Variants in AFDN observed in about 807,000 individuals in gnomAD.
AFDN encodes afadin.
A neutral mutation model predicts 216.6 loss-of-function variants in AFDN; 68 were observed. The ratio of observed to expected loss-of-function variants is 0.31; its 90% CI spans 0.26 to 0.38. The LOEUF (loss-of-function observed/expected upper bound fraction) is 0.38, where lower values mean the gene tolerates loss of function less well. AFDN is among the 10% of genes least tolerant of loss of function. The pLI, the probability that AFDN is intolerant of heterozygous loss-of-function variation, is 1.00. For missense variants in AFDN, 2,136 were observed against 2,342.0 expected, an observed-to-expected ratio of 0.91 and a Z score of 1.82; for synonymous variants, 868 against 853.7, an observed-to-expected ratio of 1.02 and a Z score of -0.29.
chr6:167,871,142 G>A (rs183916413), intron 3 of AFDN, among the ~76,000 whole-genome samples: 1,510 of 104,286 alleles, frequency 0.014, 11 homozygotes, highest in African/African-American at 0.048. Context: ...ATTGGGAAAA[G>A]GCTGTCGTTA....
At chr6:167,858,929 G>A (rs557862697) in intron 1 of AFDN, among the ~76,000 whole-genome samples, 1 of 152,208 alleles carries the variant, frequency 6.6e-6, no homozygotes, top group South Asian at 2.1e-4. Context: ...TAAGGTAATG[G>A]AATTAGTGCT....
At chr6:167,875,026 A>G (rs779599698) in intron 4 of AFDN, among the ~76,000 whole-genome samples, 5 of 152,142 alleles carry the variant, frequency 3.3e-5, no homozygotes, top group African/African-American at 7.2e-5. Context: ...TTAGGGTAAC[A>G]CTGGTGGAAG....
chr6:167,930,974 T>G (rs1793211947), intron 23 of AFDN, among the ~76,000 whole-genome samples: 1 of 151,930 alleles, frequency 6.6e-6, no homozygotes, highest in Non-Finnish European at 1.5e-5. Context: ...GTTTTCCAGA[T>G]GAGAGGTCGT....
At chr6:167,829,314 T>C (rs953792223) in intron 1 of AFDN, among the ~76,000 whole-genome samples, 1 of 152,180 alleles carries the variant, frequency 6.6e-6, no homozygotes, top group African/African-American at 2.4e-5. Context: ...TTTATTCTGG[T>C]CCTAGTTAAG....
chr6:167,878,586 A>ACT (rs372904036), intron 5 of AFDN, among the ~76,000 whole-genome samples: 3,723 of 139,454 alleles, frequency 0.027, 58 homozygotes, highest in Non-Finnish European at 0.036. Context: ...ACACACACCC[A>ACT]CTCTCTCTCT....
chr6:167,946,315 C>T (rs868398938), intron 26 of AFDN, among the ~76,000 whole-genome samples: 6 of 152,206 alleles, frequency 3.9e-5, no homozygotes, highest in Non-Finnish European at 5.9e-5. Context: ...GAGCGGAAGG[C>T]TCACGTCACA....
chr6:167,930,097 C>T lies in AFDN; in HGVS notation c.3099+5006C>T, dbSNP rs142508224. ...ATGTGCGCCTGTGGTCCCAGTTACACTGGCGGCTGAGGCAGGAGGATGGTT... is the reference window on the plus strand; with the variant it reads ...ATGTGCGCCTGTGGTCCCAGTTACATTGGCGGCTGAGGCAGGAGGATGGTT... On this transcript the variant is annotated intron_variant, in intron 23 of 33. Transcript: ENST00000683244. Among the ~76,000 whole-genome samples the T allele has an allele frequency of 1.2e-3, 176 of 152,186 alleles. 3 individuals carry two copies. Among genetic ancestry groups the T allele is most frequent in the African/African-American group, 4.1e-3 (172 of 41,522 alleles).
chr6:167,865,158 T>C (rs1466300663), intron 2 of AFDN, among the ~76,000 whole-genome samples: 2 of 152,184 alleles, frequency 1.3e-5, no homozygotes, highest in African/African-American at 4.8e-5. Context: ...AATCTTGCTG[T>C]AATATTTTTG....
chr6:167,908,122 A>G (rs1333658532), intron 13 of AFDN, among the ~76,000 whole-genome samples: 1 of 152,224 alleles, frequency 6.6e-6, no homozygotes, highest in Admixed American at 6.5e-5. Context: ...GGGGCTTTTC[A>G]GATAGATTTT....
intron 9 of AFDN, among the ~76,000 whole-genome samples, chr6:167,895,896 G>GT (rs1357815066): frequency 2.0e-5 from 3 of 152,274 alleles, no homozygotes; most frequent in Admixed American, 2.0e-4. Context: ...GCTTTGGTGG[G>GT]TGGTGTGCTT....
At chr6:167,963,043 G>T in intron 31 of AFDN, 1 of 1,072,708 alleles carries the variant, frequency 9.3e-7, no homozygotes, top group Non-Finnish European at 1.1e-6. Flanking sequence ...GGTAAAGAGA[G>T]CAGATGGCTT....
intron 1 of AFDN, among the ~76,000 whole-genome samples, chr6:167,850,955 CTCTGCCTCCTGCAAGCGATTCT>C (rs1782234769): frequency 6.6e-6 from 1 of 152,090 alleles, no homozygotes; most frequent in African/African-American, 2.4e-5. Flanking sequence ...TCATTGCAAC[CTCTGCCTCCTGCAAGCGATTCT>C]TCTGCCTCCT....
upstream of AFDN, chr6:167,826,858 C>CGACGGCGGGCGGCGGCGCGCTCG (rs1779112469): frequency 7.3e-6 from 1 of 137,106 alleles, no homozygotes; most frequent in Non-Finnish European, 1.7e-5. Context: ...GCGGCGCGCA[C>CGACGGCGGGCGGCGGCGCGCTCG]GGCGGCGGGC....
chr6:167,918,700 A>G (rs746734444), intron 20 of AFDN, 35 bp from the exon 21 acceptor site: 2 of 1,605,026 alleles, frequency 1.2e-6, no homozygotes, highest in Non-Finnish European at 8.5e-7. Context: ...GGCAGTGAGC[A>G]TCTCTTTTTA....
intron 22 of AFDN, among the ~76,000 whole-genome samples, chr6:167,924,486 GC>G (rs1562683450): frequency 6.6e-6 from 1 of 152,210 alleles, no homozygotes. Context: ...CATGAGTCCT[GC>G]AGCGGCCCTG....
chr6:167,943,223 T>G, intron 24 of AFDN, 29 bp downstream of exon 24: 2 of 1,592,282 alleles, frequency 1.3e-6, no homozygotes, highest in Non-Finnish European at 1.7e-6. Flanking sequence ...GAAGTACATT[T>G]TCAGTGTGTC....
At chr6:167,871,755 A>G (rs185928037) in intron 3 of AFDN, among the ~76,000 whole-genome samples, 1 of 152,324 alleles carries the variant, frequency 6.6e-6, no homozygotes, top group Non-Finnish European at 1.5e-5. Context: ...TACTCTTAAC[A>G]ATTCCTTTAA....
At chr6:167,958,952 C>T (rs1796781411) in intron 30 of AFDN, among the ~76,000 whole-genome samples, 1 of 152,236 alleles carries the variant, frequency 6.6e-6, no homozygotes, top group African/African-American at 2.4e-5. Flanking sequence ...ACAGTGTAGT[C>T]ACAGTGCATC....
intron 2 of AFDN, among the ~76,000 whole-genome samples, chr6:167,867,506 G>A (rs1241548575): frequency 6.7e-6 from 1 of 148,702 alleles, no homozygotes; most frequent in Non-Finnish European, 1.5e-5. Flanking sequence ...CTTGGCTCAC[G>A]GCAACCTCCG....
Sources: gnomAD v4.1 joint callset for allele counts (sites outside exome capture counted in the v4.1 genomes callset) on GRCh38, gnomAD v4.1.1 for gene constraint, MANE v1.5 for transcripts, NCBI Gene and HGNC (gene_info 2026-07-23, HGNC 2026-07-21) for gene names.